DZIP1: variants seen among roughly 807,000 people sequenced by gnomAD.
DZIP1 encodes DAZ interacting zinc finger protein 1.
A neutral mutation model predicts 107.6 loss-of-function variants in DZIP1; 97 were observed. The observed-to-expected ratio is 0.90, with a 90% confidence interval of 0.77 to 1.07. The LOEUF (loss-of-function observed/expected upper bound fraction) is 1.07. DZIP1 is among the 50% of genes least tolerant of loss of function. DZIP1 has a pLI of 0.00. For missense variants in DZIP1, 1,035 were observed against 1,063.6 expected (o/e 0.97, Z 0.37); for synonymous variants, 390 against 386.4 (o/e 1.01, Z -0.11).
In DZIP1 at chr13:95,587,595, G is replaced by T; in HGVS notation, c.2162C>A (p.Ala721Glu). 3 of 1,614,008 alleles carry T rather than the reference G, an allele frequency of 1.9e-6. No individual in the cohort carries two copies. Among genetic ancestry groups the T allele is most frequent in the Non-Finnish European group, 2.5e-6 (3 of 1,179,994 alleles). Residue 721 changes from alanine (A) to glutamate (E), a missense_variant, in exon 20 of 23, where the codon GCG becomes GAG. Ala to Glu is a moderately radical substitution (Grantham distance 107). Coordinates refer to ENST00000376829, the MANE Select transcript of DZIP1 (RefSeq NM_198968.4). ...GATTTCGCTTCCCTCGGTCCCGTCC[G>T]CGTCACTTTTCACTGTGTTCTTCCC... Reference protein sequence around the residue: ...SFGKNTVKSDADGTEGSEIED... With the variant: ...SFGKNTVKSDEDGTEGSEIED...
intron 13 of DZIP1, among the ~76,000 whole-genome samples, chr13:95,608,172 A>C (rs1321680464): frequency 6.6e-6 from 1 of 152,068 alleles, no homozygotes; most frequent in Non-Finnish European, 1.5e-5. Context: ...TTTTTAAATT[A>C]TTTTTGGAAT....
chr13:95,586,714 TATA>T (rs1184027657), intron 20 of DZIP1, among the ~76,000 whole-genome samples: 2 of 151,310 alleles, frequency 1.3e-5, no homozygotes, highest in East Asian at 3.9e-4. Context: ...ATATATTAAA[TATA>T]ATAAATTACA....
rs770171062 is a variant in DZIP1, at chr13:95,587,704, C to T, written c.2053G>A (p.Glu685Lys). 6.2e-7 allele frequency: 1 copy of T among 1,614,058 alleles called. No homozygotes were observed. The highest frequency in any genetic ancestry group is 1.1e-5 in the South Asian group (1 of 91,054). ...CGGATGAGGTCGTCGTCCTCCTGCTCCTCCTCTGAACTAAAAGGAGGGGTC... is the reference window on the plus strand; with the variant it reads ...CGGATGAGGTCGTCGTCCTCCTGCTTCTCCTCTGAACTAAAAGGAGGGGTC... The part of the protein sequence containing the change: ...ITTPPFSSEE[E>K]QEDDDLIRAY... Residue 685 changes from glutamate (E) to lysine (K), a missense_variant, in exon 20 of 23, where the codon GAG becomes AAG. Transcript: ENST00000376829.
chr13:95,623,458 G>T (rs997971114), intron 8 of DZIP1, among the ~76,000 whole-genome samples: 2 of 152,170 alleles, frequency 1.3e-5, no homozygotes, highest in Non-Finnish European at 2.9e-5. Context: ...AAGTCATGCA[G>T]ATTCGTAACA....
rs11070137 is a variant in DZIP1 at position 95,589,025 on chromosome 13, G to A, written c.2027+129C>T. On this transcript the variant is annotated intron_variant, in intron 19 of 22. Coordinates refer to ENST00000376829, the MANE Select transcript of DZIP1 (RefSeq NM_198968.4). The stretch of plus-strand genomic sequence containing the variant: ...ATGTCACAAATAACATATCACAAAG[G>A]AATGACAAATTATGATATTAAATAA... The A allele has an allele frequency of 6.1e-3, 4,891 of 807,718 alleles. 25 individuals are homozygous for A. Among genetic ancestry groups the A allele is most frequent in the Middle Eastern group, 0.014 (45 of 3,192 alleles). The allele number at this position is 807,718 out of a possible 1,614,324, so 50.0% of individuals were successfully genotyped here.
In DZIP1 at chr13:95,604,410, C is replaced by T. The variant is rs373117461; in HGVS notation, c.1477+1593G>A. On this transcript the variant is annotated intron_variant, in intron 14 of 22. Transcript: ENST00000376829. ...GCCCTGGCCAAGTCTCTTCCTAGCT[C>T]CTGCCCACTGAGATGCTCACAAATA... Among the ~76,000 whole-genome samples the T allele has an allele frequency of 4.6e-5, 7 of 152,352 alleles. No homozygotes were observed. In the East Asian group the frequency reaches 1.4e-3, roughly 29 times the overall value.
At chr13:95,620,096 A>T in intron 9 of DZIP1, 149 bp from the exon 10 acceptor site, 2 of 744,872 alleles carry the variant, frequency 2.7e-6, no homozygotes, top group East Asian at 5.4e-5. Context: ...CTCGGTCCCC[A>T]CTCAAATCTC....
intron 3 of DZIP1, among the ~76,000 whole-genome samples, chr13:95,642,563 C>T (rs141172047): frequency 1.3e-5 from 2 of 152,154 alleles, no homozygotes; most frequent in African/African-American, 2.4e-5. Context: ...ATTTAGAAAA[C>T]ATTAAGCAAT....
In DZIP1 at chr13:95,641,653, AC is replaced by A; in HGVS notation, c.238del (p.Val80TrpfsTer8). The A allele has an allele frequency of 6.2e-7, 1 of 1,608,720 alleles. No homozygotes were observed. Among genetic ancestry groups the A allele is most frequent in the Non-Finnish European group, 8.5e-7 (1 of 1,179,998 alleles). On this transcript the variant is annotated frameshift_variant, in exon 5 of 23. Transcript: ENST00000376829. LOFTEE classifies it high-confidence loss of function. The surrounding 1 kb of genome is among the most constrained non-coding windows in gnomAD (Gnocchi z 4.3). Reference sequence around the variant, plus strand: ...CGTCAGCACGTCCACAGCCCCCGCCACCTTGTCCACGTCGATGGCGCTCAGC... The same window carrying A: ...CGTCAGCACGTCCACAGCCCCCGCCACTTGTCCACGTCGATGGCGCTCAGC... ...RRLSAIDVDK[V>X]AGAVDVLTLQ...
Position 95,589,851 on chromosome 13 carries a change from T to C in DZIP1, c.1925A>G (p.Gln642Arg), listed in dbSNP as rs1351585250. Residue 642 changes from glutamine (Q) to arginine (R), a missense_variant, in exon 18 of 23, where the codon CAA (glutamine) becomes CGA (arginine). Gln to Arg is a conservative substitution (Grantham distance 43, BLOSUM62 1). Coordinates refer to ENST00000376829, the MANE Select transcript of DZIP1 (RefSeq NM_198968.4). ...AGAAACAGCTTTTTGTCTAATCAGT[T>C]GTCTGTTTTTGGAAGGAAGTTGTAT... ...KMIQLPSKNR[Q>R]LIRQKAVSTD... The C allele has an allele frequency of 1.9e-6, 3 of 1,614,090 alleles. No homozygotes were observed. In the African/African-American group the frequency reaches 4.0e-5, roughly 22 times the overall value.
chr13:95,584,433 T>A (rs957975937), intron 22 of DZIP1: 1 of 268,862 alleles, frequency 3.7e-6, no homozygotes, highest in African/African-American at 2.3e-5. Context: ...AAGGTTAAGG[T>A]TGCAGTGAGC....
In DZIP1 at chr13:95,584,930, A is replaced by C. The variant is rs1181553670; in HGVS notation, c.2350-20T>G. 13 of 1,597,270 alleles carry C rather than the reference A, an allele frequency of 8.1e-6. 1 individual carries two copies. Among genetic ancestry groups the C allele is most frequent in the African/African-American group, 1.3e-5 (1 of 74,158 alleles). On this transcript the variant is annotated intron_variant, in intron 21 of 22. Transcript: ENST00000376829. Reference sequence around the variant, plus strand: ...CGCACACTAAAAGAAAGGCATGGAGAATAATTAATGTTGCTTAGAAAAAAA... The same window carrying C: ...CGCACACTAAAAGAAAGGCATGGAGCATAATTAATGTTGCTTAGAAAAAAA...
In DZIP1 at chr13:95,644,606, A is replaced by G; in HGVS notation, c.-755T>C. 1 of 152,588 alleles carries G rather than the reference A, an allele frequency of 6.6e-6. No homozygotes were observed. The highest frequency in any genetic ancestry group is 1.5e-5 in the Non-Finnish European group (1 of 68,328). 9.5% of individuals were successfully genotyped at this position (152,588 alleles called of 1,614,324 possible). On this transcript the variant is annotated 5_prime_UTR_variant, in exon 1 of 23. Coordinates refer to ENST00000376829, the MANE Select transcript of DZIP1 (RefSeq NM_198968.4). ...GACTGGCGCCGCTCTAGGGCCTTCC[A>G]GACTCCGGACCACGGACGACTCAGG...
chr13:95,605,971 C>T, intron 14 of DZIP1, 32 bp downstream of exon 14: 2 of 1,609,554 alleles, frequency 1.2e-6, no homozygotes, highest in East Asian at 2.2e-5. Flanking sequence ...GGCAACTGCA[C>T]ATAAAACGCT....
chr13:95,603,317 A>C, intron 14 of DZIP1, among the ~76,000 whole-genome samples: 1 of 143,182 alleles, frequency 7.0e-6, no homozygotes, highest in Non-Finnish European at 1.5e-5. Flanking sequence ...AAAAAAAAAA[A>C]AAAAAAAAAA....
intron 7 of DZIP1, among the ~76,000 whole-genome samples, chr13:95,625,589 T>C (rs1465453461): frequency 2.0e-5 from 3 of 152,180 alleles, no homozygotes; most frequent in Non-Finnish European, 4.4e-5. Flanking sequence ...GCAAAGATTC[T>C]TCTCTGATCA....
At chr13:95,616,889 C>A (rs781289895) in intron 10 of DZIP1, among the ~76,000 whole-genome samples, 1 of 152,110 alleles carries the variant, frequency 6.6e-6, no homozygotes, top group East Asian at 1.9e-4. Context: ...CTGTGTGGGC[C>A]TGTCTTATTC....
At chr13:95,607,686 A>T (rs2044827772) in intron 13 of DZIP1, among the ~76,000 whole-genome samples, 1 of 152,222 alleles carries the variant, frequency 6.6e-6, no homozygotes, top group Non-Finnish European at 1.5e-5. Flanking sequence ...AAAAAAAAAA[A>T]TACAGAATAC....
chr13:95,633,508 C>T lies in DZIP1; in HGVS notation c.598-187G>A, dbSNP rs150895680. 5.1e-3 allele frequency among the ~76,000 whole-genome samples: 767 copies of T among 150,300 alleles called. 9 individuals carry two copies. Among genetic ancestry groups the T allele is most frequent in the African/African-American group, 0.018 (734 of 40,818 alleles). ...GACCAGCCTGGCCAACATGATGAAA[C>T]CCCATCTCCACAAAAAAATACAAAA... On this transcript the variant is annotated intron_variant, in intron 5 of 22. Coordinates refer to ENST00000376829, the MANE Select transcript of DZIP1 (RefSeq NM_198968.4).
Sources: allele counts gnomAD v4.1 joint callset (sites outside exome capture counted in the v4.1 genomes callset), GRCh38; gene constraint gnomAD v4.1.1; non-coding constraint Gnocchi (gnomAD v3.1); transcripts MANE v1.5; gene names NCBI Gene and HGNC (gene_info 2026-07-23, HGNC 2026-07-21).